PCDH15: variants seen among roughly 807,000 people sequenced by gnomAD.
PCDH15 encodes the protein protocadherin related 15, also known as protocadherin-15.
In PCDH15, 129 loss-of-function variants were observed where a neutral mutation model predicts 178.5. That is an observed-to-expected ratio of 0.72 (90% CI 0.63 to 0.84). PCDH15 has a LOEUF of 0.84. Ranked by LOEUF, PCDH15 falls within the 40% of genes least tolerant of loss-of-function variation. The pLI, the probability that PCDH15 is intolerant of heterozygous loss-of-function variation, is 0.00. For synonymous variants in PCDH15, 800 were observed against 732.0 expected, an observed-to-expected ratio of 1.09 and a Z score of -1.50; for missense variants, 2,230 against 2,099.9, an observed-to-expected ratio of 1.06 and a Z score of -1.21.
chr10:53,856,248 A>C (rs566781438), intron 28 of PCDH15, among the ~76,000 whole-genome samples: 1 of 151,820 alleles, frequency 6.6e-6, no homozygotes, highest in Admixed American at 6.6e-5. Context: ...AAAAAGAAAA[A>C]AAAATTTAAA....
At chr10:54,010,090 G>C (rs2092526398) in intron 20 of PCDH15, among the ~76,000 whole-genome samples, 1 of 152,138 alleles carries the variant, frequency 6.6e-6, no homozygotes, top group Non-Finnish European at 1.5e-5. Flanking sequence ...CCTGGGTCGG[G>C]AGCAGCTCTG....
At chr10:55,100,372 G>T (rs7920223) in intron 2 of PCDH15, among the ~76,000 whole-genome samples, 48,846 of 151,842 alleles carry the variant, frequency 0.32, 8,350 homozygotes, top group African/African-American at 0.44. Context: ...TATTCCTACC[G>T]ATATTTTTTA....
At chr10:55,049,643 G>A (rs994808213) in intron 2 of PCDH15, among the ~76,000 whole-genome samples, 7 of 151,874 alleles carry the variant, frequency 4.6e-5, no homozygotes, top group African/African-American at 1.2e-4. Context: ...CATACTATAG[G>A]TAATAACATA....
chr10:54,620,512 G>A (rs1326516283), intron 2 of PCDH15, among the ~76,000 whole-genome samples: 1 of 152,132 alleles, frequency 6.6e-6, no homozygotes. Context: ...CTTTACTGAA[G>A]GTCAAGGATA....
intron 1 of PCDH15, among the ~76,000 whole-genome samples, chr10:54,785,636 G>A (rs1048916769): frequency 5.9e-5 from 9 of 151,880 alleles, no homozygotes; most frequent in Admixed American, 3.3e-4. Flanking sequence ...CAACATGAAC[G>A]CAAATGGCTG....
At chr10:54,812,469 T>C (rs904677406) in intron 3 of PCDH15, among the ~76,000 whole-genome samples, 7 of 151,692 alleles carry the variant, frequency 4.6e-5, no homozygotes, top group African/African-American at 1.7e-4. Context: ...CTGTTTTGTT[T>C]TGTTTTTTGA....
intron 3 of PCDH15, among the ~76,000 whole-genome samples, chr10:54,406,240 A>G (rs1480933364): frequency 1.3e-5 from 2 of 152,226 alleles, no homozygotes; most frequent in Non-Finnish European, 2.9e-5. Flanking sequence ...CAGTTAAATA[A>G]ATGAATTAGT....
chr10:53,819,675 A>G (rs992629117), intron 33 of PCDH15, among the ~76,000 whole-genome samples: 2 of 151,776 alleles, frequency 1.3e-5, no homozygotes, highest in Non-Finnish European at 2.9e-5. Flanking sequence ...ATGAGATCAT[A>G]ATAAATATTG....
rs1241569285 is a variant in PCDH15 at position 54,442,448 on chromosome 10, A to T, written c.158-63506T>A. ...TATATATATATATATATATATATATATATATATATATACAGTCTTTTTTAT... is the reference window on the plus strand; with the variant it reads ...TATATATATATATATATATATATATTTATATATATATACAGTCTTTTTTAT... On this transcript the variant is annotated intron_variant, in intron 3 of 37. Coordinates refer to ENST00000644397, the MANE Select transcript of PCDH15 (RefSeq NM_001384140.1). 3.4e-4 allele frequency among the ~76,000 whole-genome samples: 40 copies of T among 119,172 alleles called. 3 individuals carry two copies. Among genetic ancestry groups the T allele is most frequent in the African/African-American group, 1.5e-3 (39 of 25,718 alleles). 78.2% of individuals were successfully genotyped at this position (119,172 alleles called of 152,430 possible).
chr10:55,530,945 G>C (rs994683999), intron 2 of PCDH15, among the ~76,000 whole-genome samples: 2 of 151,874 alleles, frequency 1.3e-5, no homozygotes, highest in African/African-American at 4.8e-5. Context: ...CTGGTAACTT[G>C]TTTTAGGCTG....
At chr10:53,849,998 C>A (rs80309739) in intron 28 of PCDH15, among the ~76,000 whole-genome samples, 5,903 of 151,328 alleles carry the variant, frequency 0.039, 360 homozygotes, top group African/African-American at 0.13. Context: ...ATTATTGTGA[C>A]TTTGAGCCAT....
intron 3 of PCDH15, among the ~76,000 whole-genome samples, chr10:54,885,608 T>C (rs1269288049): frequency 3.9e-5 from 6 of 152,114 alleles, no homozygotes; most frequent in Admixed American, 3.9e-4. Context: ...AACGTAGTAA[T>C]CAATATGAAA....
chr10:55,363,814 T>C (rs933521017), intron 2 of PCDH15, among the ~76,000 whole-genome samples: 1 of 152,022 alleles, frequency 6.6e-6, no homozygotes, highest in African/African-American at 2.4e-5. Flanking sequence ...TTTTTTCATA[T>C]TTTAGTAGAC....
chr10:54,959,252 G>A (rs1345803006), intron 2 of PCDH15, among the ~76,000 whole-genome samples: 1 of 151,780 alleles, frequency 6.6e-6, no homozygotes. Context: ...ATAAAAATAG[G>A]TAATGGAAAA....
intron 2 of PCDH15, among the ~76,000 whole-genome samples, chr10:55,364,709 T>C (rs1845311392): frequency 6.6e-6 from 1 of 152,214 alleles, no homozygotes; most frequent in East Asian, 1.9e-4. Context: ...GGAATGAATG[T>C]TAGACCTTTT....
chr10:54,739,984 T>G (rs1211922245), intron 1 of PCDH15, among the ~76,000 whole-genome samples: 5 of 152,054 alleles, frequency 3.3e-5, no homozygotes, highest in Non-Finnish European at 5.9e-5. Flanking sequence ...AAAGATTTTT[T>G]GGGCAAGTCC....
intron 2 of PCDH15, chr10:54,641,094 T>C: frequency 3.6e-6 from 1 of 278,882 alleles, no homozygotes; most frequent in Non-Finnish European, 7.1e-6. Flanking sequence ...ATAGAGCCAT[T>C]TCTGTCTCAA....
At chr10:54,975,406 C>G (rs1322840458) in intron 2 of PCDH15, among the ~76,000 whole-genome samples, 3 of 152,072 alleles carry the variant, frequency 2.0e-5, no homozygotes, top group Admixed American at 6.6e-5. Context: ...ATAATAAGGA[C>G]TTAATATTTT....
At chr10:55,399,253 C>G (rs1160588113) in intron 2 of PCDH15, among the ~76,000 whole-genome samples, 1 of 151,730 alleles carries the variant, frequency 6.6e-6, no homozygotes, top group Non-Finnish European at 1.5e-5. Flanking sequence ...TCAGCAAATA[C>G]AAAGAAGAAG....
Sources: allele counts gnomAD v4.1 joint callset (sites outside exome capture counted in the v4.1 genomes callset), GRCh38; gene constraint gnomAD v4.1.1; transcripts MANE v1.5; gene names NCBI Gene and HGNC (gene_info 2026-07-23, HGNC 2026-07-21).